TMEM50B: variants seen among roughly 807,000 people sequenced by gnomAD.
TMEM50B encodes transmembrane protein 50B.
Under a neutral mutation model 23.4 loss-of-function variants are expected in TMEM50B, and 14 were observed. The ratio of observed to expected loss-of-function variants is 0.60; its 90% CI spans 0.39 to 0.93. The LOEUF (loss-of-function observed/expected upper bound fraction) is 0.93. Among genes scored for constraint, TMEM50B ranks in the 40% least tolerant of loss-of-function variants. The probability of loss-of-function intolerance (pLI) is 0.00; values close to 1 mark genes in which losing one functional copy is unlikely to be tolerated. For missense variants in TMEM50B, 159 were observed against 193.0 expected (o/e 0.82, Z 1.04); for synonymous variants, 64 against 62.3 (o/e 1.03, Z -0.13).
At chr21:33,436,732 A>C in intron 8 of TMEM50B, 1 of 1,026,588 alleles carries the variant, frequency 9.7e-7, no homozygotes, top group Non-Finnish European at 1.4e-6. Context: ...AAAAAAAATA[A>C]AAATAAAAAT....
At chr21:33,459,899 T>C (rs772108123) in intron 5 of TMEM50B, among the ~76,000 whole-genome samples, 2 of 151,964 alleles carry the variant, frequency 1.3e-5, no homozygotes, top group Non-Finnish European at 2.9e-5. Context: ...GCACATCCTA[T>C]AATCTAATAT....
intron 7 of TMEM50B, among the ~76,000 whole-genome samples, chr21:33,441,286 T>C (rs1404921711): frequency 6.6e-6 from 1 of 152,124 alleles, no homozygotes; most frequent in East Asian, 1.9e-4. Context: ...ATAGTCACTA[T>C]GGCCACTATG....
At position 33,450,813 on chromosome 21, in the gene TMEM50B, T is replaced by C. The variant is rs1317235466; in HGVS notation, c.*5A>G. On this transcript the variant is annotated 3_prime_UTR_variant, in exon 7 of 7. Transcript: ENST00000542230. ...CAAAAGGAAAATGTGACTTAAGAAG[T>C]GATCTCAGGTCCATAGCTCTTCGGT... The C allele has an allele frequency of 1.2e-6, 2 of 1,610,904 alleles. No individual in the cohort carries two copies. The highest frequency in any genetic ancestry group is 1.7e-6 in the Non-Finnish European group (2 of 1,178,536).
chr21:33,446,679 C>CAAAA (rs1409384682), downstream of TMEM50B, among the ~76,000 whole-genome samples: 1 of 102,378 alleles, frequency 9.8e-6, no homozygotes, highest in South Asian at 3.1e-4. Flanking sequence ...AAAAAAAAAA[C>CAAAA]CTCTAAGAAA....
chr21:33,460,342 G>A (rs770166936), intron 5 of TMEM50B, 71 bp downstream of exon 5: 1 of 922,844 alleles, frequency 1.1e-6, no homozygotes, highest in Admixed American at 1.9e-5. Context: ...TTGTACTCAA[G>A]GTAGAGTAAG....
At chr21:33,471,871 T>G (rs1489668838) in intron 1 of TMEM50B, among the ~76,000 whole-genome samples, 1 of 150,082 alleles carries the variant, frequency 6.7e-6, no homozygotes, top group Non-Finnish European at 1.5e-5. Context: ...CCGTCTCTAC[T>G]AAAAATACAA....
intron 2 of TMEM50B, among the ~76,000 whole-genome samples, chr21:33,467,615 C>A (rs900298599): frequency 9.2e-5 from 14 of 152,088 alleles, no homozygotes; most frequent in African/African-American, 3.4e-4. Flanking sequence ...AAGAACGAGA[C>A]TCTGTCTCAA....
intron 8 of TMEM50B, chr21:33,437,464 A>C (rs1050682443): frequency 6.5e-6 from 1 of 154,940 alleles, no homozygotes; most frequent in Non-Finnish European, 1.4e-5. Context: ...TAGTAATTTA[A>C]GATTTTGTTT....
intron 1 of TMEM50B, among the ~76,000 whole-genome samples, chr21:33,470,827 T>C (rs1051891374): frequency 1.3e-5 from 2 of 151,408 alleles, no homozygotes; most frequent in Admixed American, 6.6e-5. Context: ...GAGGCAGAGG[T>C]TGGGGTGAGC....
At chr21:33,446,167 TTCTA>T (rs1481309530), downstream of TMEM50B, among the ~76,000 whole-genome samples, 1 of 152,174 alleles carries the variant, frequency 6.6e-6, no homozygotes, top group East Asian at 1.9e-4. Context: ...ATTCCCTGTG[TTCTA>T]TCTATTCTAA....
At chr21:33,444,613 G>C (rs750770798), downstream of TMEM50B, among the ~76,000 whole-genome samples, 3 of 151,718 alleles carry the variant, frequency 2.0e-5, no homozygotes, top group Non-Finnish European at 4.4e-5. Context: ...TGATCACACT[G>C]AATAATGTTT....
At chr21:33,476,918 A>T (rs1056623525) in intron 1 of TMEM50B, among the ~76,000 whole-genome samples, 1 of 152,178 alleles carries the variant, frequency 6.6e-6, no homozygotes, top group Non-Finnish European at 1.5e-5. Context: ...GCTAAAACCC[A>T]GAAACAGTCA....
intron 1 of TMEM50B, among the ~76,000 whole-genome samples, chr21:33,473,612 G>C (rs1342579111): frequency 6.8e-6 from 1 of 147,698 alleles, no homozygotes; most frequent in Non-Finnish European, 1.5e-5. Flanking sequence ...GAAGTTCGAG[G>C]TTACAGTGAG....
intron 5 of TMEM50B, among the ~76,000 whole-genome samples, chr21:33,460,099 T>C (rs2084203934): frequency 6.6e-6 from 1 of 152,200 alleles, no homozygotes; most frequent in Non-Finnish European, 1.5e-5. Flanking sequence ...TTCTCACTTT[T>C]TCTACTGCAA....
intron 7 of TMEM50B, among the ~76,000 whole-genome samples, chr21:33,442,593 T>C (rs1309848646): frequency 6.6e-6 from 1 of 152,106 alleles, no homozygotes; most frequent in Admixed American, 6.6e-5. Flanking sequence ...TCAGGGTTAC[T>C]TTACATCCAT....
chr21:33,441,413 G>T (rs1233604598), intron 7 of TMEM50B, among the ~76,000 whole-genome samples: 1 of 152,120 alleles, frequency 6.6e-6, no homozygotes, highest in Non-Finnish European at 1.5e-5. Context: ...ATTTAGGAAG[G>T]TGAAGGAAAA....
chr21:33,451,453 T>C (rs1209426030), intron 6 of TMEM50B, among the ~76,000 whole-genome samples: 1 of 152,120 alleles, frequency 6.6e-6, no homozygotes, highest in Non-Finnish European at 1.5e-5. Flanking sequence ...AAAAATGCTA[T>C]AAATGAGAGG....
At chr21:33,465,666 A>T (rs1394970793) in intron 3 of TMEM50B, among the ~76,000 whole-genome samples, 1 of 152,186 alleles carries the variant, frequency 6.6e-6, no homozygotes, top group Non-Finnish European at 1.5e-5. Flanking sequence ...TACAAGAGGG[A>T]CCAGTTTTCT....
At chr21:33,467,438 A>G (rs149652207) in intron 2 of TMEM50B, among the ~76,000 whole-genome samples, 1,682 of 152,344 alleles carry the variant, frequency 0.011, 31 homozygotes, top group African/African-American at 0.038. Context: ...AGTCTGGTCA[A>G]CATGGTGAAA....
Sources: allele counts gnomAD v4.1 joint callset (sites outside exome capture counted in the v4.1 genomes callset), GRCh38; gene constraint gnomAD v4.1.1; transcripts MANE v1.5; gene names NCBI Gene and HGNC (gene_info 2026-07-23, HGNC 2026-07-21).